PLCB1: variants seen among roughly 807,000 people sequenced by gnomAD.
The protein encoded by PLCB1 is phospholipase C beta 1, also known as 1-phosphatidylinositol 4,5-bisphosphate phosphodiesterase beta-1.
A neutral mutation model predicts 161.8 loss-of-function variants in PLCB1; 46 were observed. The observed-to-expected ratio is 0.28, with a 90% confidence interval of 0.22 to 0.36. The LOEUF is 0.36. PLCB1 is among the 10% of genes least tolerant of loss of function. The pLI is 1.00. For missense variants in PLCB1, 1,016 were observed against 1,472.5 expected, an observed-to-expected ratio of 0.69 and a Z score of 5.07; for synonymous variants, 517 against 503.7, an observed-to-expected ratio of 1.03 and a Z score of -0.35.
intron 3 of PLCB1, among the ~76,000 whole-genome samples, chr20:8,489,162 A>G (rs1812191039): frequency 6.6e-6 from 1 of 152,120 alleles, no homozygotes; most frequent in Admixed American, 6.5e-5. Context: ...TCCTAAGAGG[A>G]TACGTCTATT....
intron 2 of PLCB1, among the ~76,000 whole-genome samples, chr20:8,261,998 C>G (rs1366972737): frequency 6.6e-6 from 1 of 152,116 alleles, no homozygotes; most frequent in African/African-American, 2.4e-5. Context: ...TAGCTGCTTT[C>G]TTCTTGATGG....
intron 3 of PLCB1, among the ~76,000 whole-genome samples, chr20:8,510,901 G>T (rs920548108): frequency 3.9e-5 from 6 of 151,992 alleles, no homozygotes; most frequent in African/African-American, 1.5e-4. Flanking sequence ...TGTTTATGGG[G>T]TACAATGTGA....
chr20:8,340,298 C>G (rs1361823411), intron 2 of PLCB1, among the ~76,000 whole-genome samples: 1 of 152,174 alleles, frequency 6.6e-6, no homozygotes, highest in Non-Finnish European at 1.5e-5. Flanking sequence ...AGCTGGGGCT[C>G]TTTGGATTTC....
intron 3 of PLCB1, among the ~76,000 whole-genome samples, chr20:8,416,971 G>T (rs932725603): frequency 9.1e-6 from 1 of 109,608 alleles, no homozygotes; most frequent in Non-Finnish European, 1.9e-5. Flanking sequence ...CACACACACA[G>T]AGTCGCTTCA....
intron 23 of PLCB1, among the ~76,000 whole-genome samples, chr20:8,755,625 G>T (rs540831496): frequency 6.6e-6 from 1 of 152,274 alleles, no homozygotes; most frequent in East Asian, 1.9e-4. Context: ...GGAGGGTGTC[G>T]AATGAAGATT....
At chr20:8,673,248 G>A (rs996665111) in intron 9 of PLCB1, among the ~76,000 whole-genome samples, 11 of 151,934 alleles carry the variant, frequency 7.2e-5, no homozygotes, top group African/African-American at 2.7e-4. Flanking sequence ...TACCAGGGCT[G>A]AGCAAATTCG....
chr20:8,573,000 A>T (rs1986568564), intron 3 of PLCB1, among the ~76,000 whole-genome samples: 1 of 152,182 alleles, frequency 6.6e-6, no homozygotes, highest in African/African-American at 2.4e-5. Context: ...CAGATGAAGA[A>T]AATTTCTCAG....
intron 2 of PLCB1, among the ~76,000 whole-genome samples, chr20:8,298,587 T>C (rs1983747438): frequency 6.6e-6 from 1 of 151,608 alleles, no homozygotes; most frequent in Admixed American, 6.6e-5. Context: ...AGTGTGGAAT[T>C]GGGGCTTTTT....
At chr20:8,518,166 G>A (rs1984211432) in intron 3 of PLCB1, among the ~76,000 whole-genome samples, 1 of 150,882 alleles carries the variant, frequency 6.6e-6, no homozygotes. Flanking sequence ...TGGTGACAGA[G>A]GGAGACTCTG....
chr20:8,316,245 A>G (rs1984645732), intron 2 of PLCB1, among the ~76,000 whole-genome samples: 1 of 152,140 alleles, frequency 6.6e-6, no homozygotes, highest in African/African-American at 2.4e-5. Context: ...GAAAGTTCCA[A>G]GAAAGCTCAA....
chr20:8,601,002 G>C (rs1035130874), intron 3 of PLCB1, among the ~76,000 whole-genome samples: 4 of 152,134 alleles, frequency 2.6e-5, no homozygotes, highest in African/African-American at 9.7e-5. Context: ...CCACTGTCTG[G>C]CACTCCCTAG....
intron 2 of PLCB1, among the ~76,000 whole-genome samples, chr20:8,217,489 GGAGA>G (rs1457415694): frequency 2.0e-5 from 3 of 152,112 alleles, no homozygotes; most frequent in Non-Finnish European, 2.9e-5. Flanking sequence ...GCTTCCAGGT[GGAGA>G]GAAAGGTGTA....
intron 9 of PLCB1, among the ~76,000 whole-genome samples, chr20:8,665,191 A>C (rs1297931363): frequency 1.3e-5 from 2 of 152,326 alleles, no homozygotes; most frequent in East Asian, 1.9e-4. Flanking sequence ...ATGACTTTTT[A>C]TTTGGCCTTA....
At chr20:8,246,934 C>T (rs767281742) in intron 2 of PLCB1, among the ~76,000 whole-genome samples, 1 of 151,790 alleles carries the variant, frequency 6.6e-6, no homozygotes, top group Non-Finnish European at 1.5e-5. Flanking sequence ...ATTTTAATCT[C>T]TATTTCTCAG....
chr20:8,218,172 A>G (rs1274129903), intron 2 of PLCB1, among the ~76,000 whole-genome samples: 1 of 152,148 alleles, frequency 6.6e-6, no homozygotes, highest in Non-Finnish European at 1.5e-5. Flanking sequence ...TGCAGTGAAC[A>G]AGGCAAATGT....
rs6039042 is a variant in PLCB1 at position 8,135,983 on chromosome 20, G to A, written c.99+3233G>A. On this transcript the variant is annotated intron_variant, in intron 1 of 31. Coordinates refer to ENST00000338037, the MANE Select transcript of PLCB1 (RefSeq NM_015192.4). ...CTTGGCCTTGGTCTATATTGGGCAG[G>A]ACATGGAGAGAAAGAGCAAGGACTG... Among the ~76,000 whole-genome samples the A allele has an allele frequency of 3.7e-3, 563 of 152,202 alleles. 24 individuals are homozygous for A. The East Asian group carries it at 0.071, about 19-fold the overall frequency.
At chr20:8,322,003 C>T (rs904977282) in intron 2 of PLCB1, among the ~76,000 whole-genome samples, 2 of 152,162 alleles carry the variant, frequency 1.3e-5, no homozygotes, top group Non-Finnish European at 2.9e-5. Flanking sequence ...CCACTAGTTA[C>T]TAAGGGATTT....
Position 8,361,059 on chromosome 20 carries a change from T to C in PLCB1, c.178-10323T>C, listed in dbSNP as rs967265740. Among the ~76,000 whole-genome samples, 3 of 152,162 alleles carry C rather than the reference T, an allele frequency of 2.0e-5. No individual in the cohort carries two copies. The East Asian group carries it at 5.8e-4, about 29-fold the overall frequency. On this transcript the variant is annotated intron_variant, in intron 2 of 31. Transcript: ENST00000338037. ...TGATGAGAGAGAAAAGAAAATACGT[T>C]GGTTGAGAAAATACGTTGGTTACTC... is the stretch of plus-strand genomic sequence containing the variant.
chr20:8,145,044 G>A (rs996989087), intron 1 of PLCB1, among the ~76,000 whole-genome samples: 3 of 152,160 alleles, frequency 2.0e-5, no homozygotes, highest in African/African-American at 7.2e-5. Flanking sequence ...GTTATGCTTT[G>A]TAGTAGTTTA....
Sources: gnomAD v4.1 joint callset for allele counts (sites outside exome capture counted in the v4.1 genomes callset) on GRCh38, gnomAD v4.1.1 for gene constraint, MANE v1.5 for transcripts, NCBI Gene and HGNC (gene_info 2026-07-23, HGNC 2026-07-21) for gene names.